CHRM3: variants seen among roughly 807,000 people sequenced by gnomAD.
CHRM3 encodes the protein cholinergic receptor muscarinic 3, also known as muscarinic acetylcholine receptor M3.
Under a neutral mutation model 41.8 loss-of-function variants are expected in CHRM3, and 11 were observed. The observed-to-expected ratio is 0.26, with a 90% confidence interval of 0.17 to 0.44. The LOEUF is 0.44. Ranked by LOEUF, CHRM3 falls within the 20% of genes least tolerant of loss-of-function variation. CHRM3 has a pLI of 1.00. For missense variants in CHRM3, 571 were observed against 745.4 expected (o/e 0.77, Z 2.72); for synonymous variants, 297 against 301.4 (o/e 0.99, Z 0.15).
intron 2 of CHRM3, among the ~76,000 whole-genome samples, chr1:239,536,061 C>T (rs1658167548): frequency 6.6e-6 from 1 of 152,134 alleles, no homozygotes; most frequent in African/African-American, 2.4e-5. Flanking sequence ...ATTGCTAGCT[C>T]CTAGTCTAGG....
intron 4 of CHRM3, among the ~76,000 whole-genome samples, chr1:239,638,226 T>C (rs1670703688): frequency 6.6e-6 from 1 of 150,878 alleles, no homozygotes; most frequent in Non-Finnish European, 1.5e-5. Flanking sequence ...TAAACATACG[T>C]GTGCATGTGT....
At chr1:239,450,471 T>C (rs993250375) in intron 1 of CHRM3, among the ~76,000 whole-genome samples, 2 of 152,224 alleles carry the variant, frequency 1.3e-5, no homozygotes, top group Non-Finnish European at 2.9e-5. Flanking sequence ...TTTATTCTTA[T>C]AAAGCATGAT....
chr1:239,472,734 T>A (rs1482941042), intron 1 of CHRM3, among the ~76,000 whole-genome samples: 1 of 145,846 alleles, frequency 6.9e-6, no homozygotes, highest in Non-Finnish European at 1.5e-5. Context: ...GGGGGTGGGA[T>A]GGAGGAGGGG....
intron 1 of CHRM3, among the ~76,000 whole-genome samples, chr1:239,446,751 T>C (rs185335817): frequency 1.3e-5 from 2 of 152,218 alleles, no homozygotes; most frequent in African/African-American, 4.8e-5. Context: ...ATAAAGGCAA[T>C]GTGCATTTTT....
chr1:239,538,230 C>A (rs1004367573), intron 2 of CHRM3, among the ~76,000 whole-genome samples: 1 of 152,216 alleles, frequency 6.6e-6, no homozygotes. Flanking sequence ...TAGTTCTCAT[C>A]TTCCATGCAA....
At chr1:239,550,225 C>T (rs1659687103) in intron 3 of CHRM3, among the ~76,000 whole-genome samples, 1 of 152,172 alleles carries the variant, frequency 6.6e-6, no homozygotes, top group Non-Finnish European at 1.5e-5. Context: ...TCCTTCCAAA[C>T]TCAGTTTACA....
chr1:239,601,430 G>A (rs1211967202), intron 3 of CHRM3, among the ~76,000 whole-genome samples: 1 of 152,096 alleles, frequency 6.6e-6, no homozygotes, highest in Non-Finnish European at 1.5e-5. Context: ...AAATCTGGCA[G>A]AGCTTATTGA....
chr1:239,767,749 G>T (rs1360074765), intron 5 of CHRM3, among the ~76,000 whole-genome samples: 1 of 152,104 alleles, frequency 6.6e-6, no homozygotes, highest in Non-Finnish European at 1.5e-5. Context: ...CGATTTTCTT[G>T]CAGAAGATCA....
At chr1:239,620,194 T>C (rs1490737410) in intron 3 of CHRM3, among the ~76,000 whole-genome samples, 1 of 152,296 alleles carries the variant, frequency 6.6e-6, no homozygotes, top group Non-Finnish European at 1.5e-5. Context: ...CGTGTAGTAG[T>C]TTTTACTCAA....
At chr1:239,514,186 T>A (rs1669107169) in intron 2 of CHRM3, among the ~76,000 whole-genome samples, 1 of 152,142 alleles carries the variant, frequency 6.6e-6, no homozygotes, top group Non-Finnish European at 1.5e-5. Flanking sequence ...GCTGGGATTC[T>A]GATTGGCATT....
chr1:239,724,271 G>A (rs1166949598), intron 5 of CHRM3, among the ~76,000 whole-genome samples: 1 of 151,842 alleles, frequency 6.6e-6, no homozygotes, highest in Admixed American at 6.6e-5. Context: ...TCTGTATTAG[G>A]TTGTTTATTG....
At chr1:239,448,019 A>G (rs58291256) in intron 1 of CHRM3, among the ~76,000 whole-genome samples, 9,591 of 152,228 alleles carry the variant, frequency 0.063, 582 homozygotes, top group African/African-American at 0.16. Context: ...GGTCAGACAG[A>G]CATGGATTCC....
At chr1:239,699,979 T>A (rs749969071) in intron 5 of CHRM3, among the ~76,000 whole-genome samples, 4 of 152,148 alleles carry the variant, frequency 2.6e-5, no homozygotes, top group Non-Finnish European at 5.9e-5. Flanking sequence ...TAGTCTTAAT[T>A]TTCATTCTAT....
At chr1:239,836,799 A>G (rs2149131248) in intron 6 of CHRM3, among the ~76,000 whole-genome samples, 1 of 152,032 alleles carries the variant, frequency 6.6e-6, no homozygotes, top group East Asian at 1.9e-4. Flanking sequence ...ACATGGTGAA[A>G]CCTTGTCTCC....
chr1:239,441,069 A>C (rs1031007500), intron 1 of CHRM3, among the ~76,000 whole-genome samples: 3 of 152,196 alleles, frequency 2.0e-5, no homozygotes, highest in Non-Finnish European at 2.9e-5. Flanking sequence ...AAATAAGCTA[A>C]AAATGGAGTC....
intron 1 of CHRM3, among the ~76,000 whole-genome samples, chr1:239,452,483 C>G (rs936899371): frequency 1.2e-4 from 18 of 152,128 alleles, no homozygotes; most frequent in African/African-American, 4.3e-4. Flanking sequence ...GAATAACCAT[C>G]GAGCAGGATT....
At chr1:239,557,388 G>T (rs568441624) in intron 3 of CHRM3, among the ~76,000 whole-genome samples, 1 of 152,050 alleles carries the variant, frequency 6.6e-6, no homozygotes, top group South Asian at 2.1e-4. Context: ...CATTCCCCTT[G>T]GCATTGGAGA....
intron 6 of CHRM3, among the ~76,000 whole-genome samples, chr1:239,892,984 G>C (rs926827882): frequency 6.6e-6 from 1 of 152,148 alleles, no homozygotes; most frequent in Non-Finnish European, 1.5e-5. Flanking sequence ...TGGAGGGTTG[G>C]GTGTAAAATC....
At chr1:239,837,571 T>A (rs991362277) in intron 6 of CHRM3, among the ~76,000 whole-genome samples, 10 of 152,218 alleles carry the variant, frequency 6.6e-5, no homozygotes, top group African/African-American at 2.4e-4. Context: ...TGTTTTAAGT[T>A]AGACTCTACA....
Sources: allele counts gnomAD v4.1 joint callset (sites outside exome capture counted in the v4.1 genomes callset), GRCh38; gene constraint gnomAD v4.1.1; transcripts MANE v1.5; gene names NCBI Gene and HGNC (gene_info 2026-07-23, HGNC 2026-07-21).